The following SLC9A2 variants were observed in gnomAD, a reference collection of about 807,000 sequenced individuals.
SLC9A2 encodes sodium/hydrogen exchanger 2.
A neutral mutation model predicts 71.7 loss-of-function variants in SLC9A2; 42 were observed. The ratio of observed to expected loss-of-function variants is 0.59; its 90% confidence interval spans 0.46 to 0.76. The LOEUF (loss-of-function observed/expected upper bound fraction) is 0.76, where lower values mean the gene tolerates loss of function less well. Among genes scored for constraint, SLC9A2 ranks in the 30% least tolerant of loss-of-function variants. The pLI, the probability that SLC9A2 is intolerant of heterozygous loss-of-function variation, is 0.00. For missense variants in SLC9A2, 829 were observed against 1,017.4 expected (o/e 0.81, Z 2.52); for synonymous variants, 396 against 392.5 (o/e 1.01, Z -0.10).
In SLC9A2 at chr2:102,637,127, T is replaced by C. The variant is rs1333465202; in HGVS notation, c.289+16990T>C. Among the ~76,000 whole-genome samples, 6 of 152,246 alleles carry C rather than the reference T, an allele frequency of 3.9e-5. No individual in the cohort carries two copies. The East Asian group carries it at 7.7e-4, about 20-fold the overall frequency. ...ATCTGTTTCATAGCTGTGAGACCTA[T>C]ACCTGCAGTCCTAACAGACTGAGAG... On this transcript the variant is annotated intron_variant, in intron 1 of 11. Coordinates refer to ENST00000233969, the MANE Select transcript of SLC9A2 (RefSeq NM_003048.6).
chr2:102,694,627 G>A (rs1380855443), intron 6 of SLC9A2, 124 bp downstream of exon 6: 3 of 462,544 alleles, frequency 6.5e-6, no homozygotes, highest in Non-Finnish European at 1.2e-5. Context: ...AGAGGGAGGA[G>A]GGCCTGAAGA....
intron 1 of SLC9A2, among the ~76,000 whole-genome samples, chr2:102,656,362 C>G (rs1676943577): frequency 6.6e-6 from 1 of 152,208 alleles, no homozygotes; most frequent in African/African-American, 2.4e-5. Flanking sequence ...CTTTATGGCT[C>G]TGTTTAATGC....
At chr2:102,703,388 G>A (rs533605701) in intron 9 of SLC9A2, among the ~76,000 whole-genome samples, 13 of 152,072 alleles carry the variant, frequency 8.5e-5, no homozygotes, top group Admixed American at 2.6e-4. Flanking sequence ...TTCTGTTTTC[G>A]TTCTTTGGCC....
chr2:102,625,709 C>T (rs1415961368), intron 1 of SLC9A2, among the ~76,000 whole-genome samples: 1 of 152,102 alleles, frequency 6.6e-6, no homozygotes, highest in Admixed American at 6.5e-5. Context: ...TTTTCTTAAT[C>T]CAGTCTATCA....
At chr2:102,695,795 A>AT (rs1558723269) in intron 7 of SLC9A2, among the ~76,000 whole-genome samples, 24 of 108,836 alleles carry the variant, frequency 2.2e-4, no homozygotes, top group African/African-American at 7.6e-4. Flanking sequence ...TATATTATAT[A>AT]TATATTATAT....
chr2:102,640,754 T>C (rs534331138), intron 1 of SLC9A2, among the ~76,000 whole-genome samples: 1 of 152,226 alleles, frequency 6.6e-6, no homozygotes, highest in Admixed American at 6.5e-5. Context: ...CCTTCTCCAC[T>C]CCCCAGAATT....
At chr2:102,666,137 T>TA (rs35940216) in intron 3 of SLC9A2, among the ~76,000 whole-genome samples, 47,010 of 151,542 alleles carry the variant, frequency 0.31, 8,262 homozygotes, top group East Asian at 0.52. Context: ...GATAACAGCT[T>TA]AGTCATTCAA....
rs146982989 is a variant in SLC9A2 at position 102,685,527 on chromosome 2, G to A, written c.1425+1191G>A. ...TGGAAGCCCTGCAGTCATTAGGGAG[G>A]ACAAAACTGGTGGAAGTTCAGTTGG... On this transcript the variant is annotated intron_variant, in intron 5 of 11. Coordinates refer to ENST00000233969, the MANE Select transcript of SLC9A2 (RefSeq NM_003048.6). Among the ~76,000 whole-genome samples, 252 of 152,332 alleles carry A rather than the reference G, an allele frequency of 1.7e-3. 4 individuals carry two copies. Among genetic ancestry groups the A allele is most frequent in the African/African-American group, 5.7e-3 (235 of 41,580 alleles).
intron 1 of SLC9A2, among the ~76,000 whole-genome samples, chr2:102,626,408 T>C (rs2104496344): frequency 6.6e-6 from 1 of 152,304 alleles, no homozygotes; most frequent in South Asian, 2.1e-4. Flanking sequence ...TTACACCTTA[T>C]ACAAAAATTA....
At chr2:102,696,789 A>G (rs1368949946) in intron 7 of SLC9A2, among the ~76,000 whole-genome samples, 1 of 152,214 alleles carries the variant, frequency 6.6e-6, no homozygotes, top group East Asian at 1.9e-4. Context: ...ACGCCCAATT[A>G]GCTACATGGG....
At chr2:102,691,098 A>G (rs1244871595) in intron 5 of SLC9A2, among the ~76,000 whole-genome samples, 1 of 152,184 alleles carries the variant, frequency 6.6e-6, no homozygotes, top group African/African-American at 2.4e-5. Context: ...AGGAAAGCAG[A>G]GATGGAACAA....
At chr2:102,701,427 G>T (rs1307511570) in intron 8 of SLC9A2, among the ~76,000 whole-genome samples, 196 bp downstream of exon 8, 2 of 152,266 alleles carry the variant, frequency 1.3e-5, no homozygotes, top group East Asian at 3.9e-4. Flanking sequence ...GGGACATAAA[G>T]GTTAGGTTCC....
rs1266066070 is a variant in SLC9A2, at chr2:102,652,122, A to G, written c.290-5442A>G. Among the ~76,000 whole-genome samples, 3 of 152,232 alleles carry G rather than the reference A, an allele frequency of 2.0e-5. No individual in the cohort carries two copies. In the East Asian group the frequency reaches 5.8e-4, roughly 29 times the overall value. ...AACATTTTAAAAGAAAGTGTTGACT[A>G]AAGAAAACATACTTATTTTCACTAG... On this transcript the variant is annotated intron_variant, in intron 1 of 11. Transcript: ENST00000233969.
intron 3 of SLC9A2, among the ~76,000 whole-genome samples, chr2:102,675,883 T>G (rs1573421468): frequency 6.6e-6 from 1 of 152,358 alleles, no homozygotes; most frequent in East Asian, 1.9e-4. Flanking sequence ...TATACTCCCA[T>G]TTCCTGTTCT....
At chr2:102,704,179 TG>T (rs1297867291) in intron 9 of SLC9A2, among the ~76,000 whole-genome samples, 1 of 152,168 alleles carries the variant, frequency 6.6e-6, no homozygotes, top group African/African-American at 2.4e-5. Flanking sequence ...GGATGAACTA[TG>T]TGGCACATAC....
chr2:102,700,034 A>C (rs1249755153), intron 7 of SLC9A2, among the ~76,000 whole-genome samples: 2 of 152,168 alleles, frequency 1.3e-5, no homozygotes, highest in Admixed American at 1.3e-4. Context: ...TAACATATGA[A>C]TTTTTGGCGG....
Position 102,657,556 on chromosome 2 carries a change from C to G in SLC9A2, c.290-8C>G. 6.4e-7 allele frequency: 1 copy of G among 1,569,740 alleles called. No individual in the cohort carries two copies. The highest frequency in any genetic ancestry group is 1.9e-5 in the Admixed American group (1 of 52,274). Reference sequence around the variant, plus strand: ...CCAAGTTGTGTGTTTTTATTTTTTCCTTACCAGGCTTCCATCTGTATCACA... The same window carrying G: ...CCAAGTTGTGTGTTTTTATTTTTTCGTTACCAGGCTTCCATCTGTATCACA... On this transcript the variant is annotated splice_region_variant and splice_polypyrimidine_tract_variant and intron_variant, in intron 1 of 11. Coordinates refer to ENST00000233969, the MANE Select transcript of SLC9A2 (RefSeq NM_003048.6).
chr2:102,694,338 A>C (rs1370458788), intron 5 of SLC9A2, 76 bp from the exon 6 acceptor site: 1 of 452,894 alleles, frequency 2.2e-6, no homozygotes, highest in African/African-American at 2.1e-5. Flanking sequence ...AAAAATTTAT[A>C]TTAAAATTTT....
intron 1 of SLC9A2, among the ~76,000 whole-genome samples, chr2:102,646,637 C>CA (rs975677293): frequency 2.6e-5 from 4 of 151,248 alleles, no homozygotes; most frequent in Non-Finnish European, 5.9e-5. Context: ...AACAAACAAA[C>CA]AAAAAAAGCA....
Sources: allele counts gnomAD v4.1 joint callset (sites outside exome capture counted in the v4.1 genomes callset), GRCh38; gene constraint gnomAD v4.1.1; transcripts MANE v1.5; gene names NCBI Gene and HGNC (gene_info 2026-07-23, HGNC 2026-07-21).